The following SLC8A1 variants were observed in gnomAD, a reference collection of about 807,000 sequenced individuals.
The protein encoded by SLC8A1 is solute carrier family 8 member A1.
SLC8A1 carries 18 observed loss-of-function variants against 68.3 expected under a neutral mutation model. The ratio of observed to expected loss-of-function variants is 0.26; its 90% CI spans 0.18 to 0.39. The LOEUF (loss-of-function observed/expected upper bound fraction) is 0.39, where lower values mean the gene tolerates loss of function less well. Ranked by LOEUF, SLC8A1 falls within the 10% of genes least tolerant of loss-of-function variation. The probability of loss-of-function intolerance (pLI) is 1.00; values close to 1 mark genes in which losing one functional copy is unlikely to be tolerated. For synonymous variants in SLC8A1, 475 were observed against 415.5 expected, an observed-to-expected ratio of 1.14 and a Z score of -1.74; for missense variants, 985 against 1,156.7, an observed-to-expected ratio of 0.85 and a Z score of 2.15.
intron 2 of SLC8A1, among the ~76,000 whole-genome samples, chr2:40,345,645 G>A (rs1669017441): frequency 6.6e-6 from 1 of 152,084 alleles, no homozygotes; most frequent in South Asian, 2.1e-4. Flanking sequence ...TCTGCATTTT[G>A]AAAACCCTCT....
chr2:40,198,062 A>G (rs1317241474), intron 2 of SLC8A1, among the ~76,000 whole-genome samples: 1 of 152,026 alleles, frequency 6.6e-6, no homozygotes, highest in Non-Finnish European at 1.5e-5. Flanking sequence ...AGAGGAACAT[A>G]AGATTCAGGG....
chr2:40,349,990 A>C (rs1575603165), intron 2 of SLC8A1, among the ~76,000 whole-genome samples: 1 of 152,176 alleles, frequency 6.6e-6, no homozygotes, highest in African/African-American at 2.4e-5. Context: ...GAGATGACTA[A>C]AAATCAGAGA....
At chr2:40,239,193 T>C (rs74390141) in intron 2 of SLC8A1, among the ~76,000 whole-genome samples, 46 of 152,342 alleles carry the variant, frequency 3.0e-4, no homozygotes, top group African/African-American at 1.1e-3. Context: ...AAAAGGGGCA[T>C]AAAGTAGGTT....
chr2:40,467,078 G>C (rs1453127907), intron 1 of SLC8A1, among the ~76,000 whole-genome samples: 3 of 152,178 alleles, frequency 2.0e-5, no homozygotes, highest in East Asian at 3.9e-4. Context: ...CAGGGGGACA[G>C]TTAATTAAAG....
At chr2:40,244,050 T>TA (rs5830615) in intron 2 of SLC8A1, among the ~76,000 whole-genome samples, 124,853 of 151,588 alleles carry the variant, frequency 0.82, 52,189 homozygotes, top group Middle Eastern at 0.87. Flanking sequence ...CTTTTGTTAT[T>TA]AAAAAAAATG....
At chr2:40,262,565 G>A (rs962361680) in intron 2 of SLC8A1, among the ~76,000 whole-genome samples, 1 of 152,152 alleles carries the variant, frequency 6.6e-6, no homozygotes, top group Non-Finnish European at 1.5e-5. Flanking sequence ...TTGAAGCCAT[G>A]ATATAGAAAC....
intron 1 of SLC8A1, among the ~76,000 whole-genome samples, chr2:40,489,549 C>T (rs753089529): frequency 5.9e-5 from 9 of 152,066 alleles, no homozygotes; most frequent in Non-Finnish European, 1.2e-4. Flanking sequence ...GCAGTTCTTC[C>T]CAGCTGGTGT....
At chr2:40,415,857 TATACACACACAC>T (rs1693665837) in intron 2 of SLC8A1, among the ~76,000 whole-genome samples, 1 of 101,748 alleles carries the variant, frequency 9.8e-6, no homozygotes, top group South Asian at 3.5e-4. Flanking sequence ...CTACTAAAAG[TATACACACACAC>T]ACACACACAC....
At chr2:40,488,602 G>A (rs1200922367) in intron 1 of SLC8A1, among the ~76,000 whole-genome samples, 1 of 152,050 alleles carries the variant, frequency 6.6e-6, no homozygotes, top group African/African-American at 2.4e-5. Flanking sequence ...GTGTGTTTAA[G>A]TGACCAAAGA....
At chr2:40,155,386 C>T (rs560864944) in intron 6 of SLC8A1, among the ~76,000 whole-genome samples, 38 of 152,270 alleles carry the variant, frequency 2.5e-4, no homozygotes, top group Non-Finnish European at 1.5e-5. Context: ...GCCTCGGCCT[C>T]CCAAAGTGCT....
intron 2 of SLC8A1, among the ~76,000 whole-genome samples, chr2:40,199,965 C>T (rs954218195): frequency 6.7e-6 from 1 of 150,068 alleles, no homozygotes; most frequent in Non-Finnish European, 1.5e-5. Context: ...ACATTGTTTT[C>T]ATAACAAAGT....
At chr2:40,325,809 C>T (rs1191590869) in intron 2 of SLC8A1, among the ~76,000 whole-genome samples, 2 of 141,904 alleles carry the variant, frequency 1.4e-5, no homozygotes, top group Non-Finnish European at 3.0e-5. Context: ...AAAAAAGTAG[C>T]TGAGCGTGGT....
At chr2:40,247,865 TCCACGTTCA>T (rs2062105027) in intron 2 of SLC8A1, among the ~76,000 whole-genome samples, 1 of 152,142 alleles carries the variant, frequency 6.6e-6, no homozygotes, top group Admixed American at 6.5e-5. Context: ...AGAACAGGAC[TCCACGTTCA>T]ATGCTATGTT....
intron 6 of SLC8A1, among the ~76,000 whole-genome samples, chr2:40,146,867 C>T (rs949135264): frequency 2.0e-5 from 3 of 152,128 alleles, no homozygotes; most frequent in Admixed American, 6.5e-5. Context: ...TACTGTCCCA[C>T]GGGACTAGTG....
chr2:40,370,481 T>C (rs1267405067), intron 2 of SLC8A1, among the ~76,000 whole-genome samples: 1 of 152,068 alleles, frequency 6.6e-6, no homozygotes, highest in Non-Finnish European at 1.5e-5. Context: ...TTAAAGTGAC[T>C]TTGCTTTTTC....
intron 2 of SLC8A1, among the ~76,000 whole-genome samples, chr2:40,392,827 T>C (rs1685743398): frequency 6.6e-6 from 1 of 152,132 alleles, no homozygotes; most frequent in Admixed American, 6.6e-5. Context: ...AATATTTACA[T>C]TAATGTTTAC....
chr2:40,149,629 T>C (rs1353859380), intron 6 of SLC8A1, among the ~76,000 whole-genome samples: 6 of 152,116 alleles, frequency 3.9e-5, no homozygotes, highest in Non-Finnish European at 8.8e-5. Flanking sequence ...GGAAAGAGGA[T>C]TGACTTGGGA....
intron 2 of SLC8A1, among the ~76,000 whole-genome samples, chr2:40,262,268 C>T (rs7607333): frequency 0.16 from 24,300 of 152,126 alleles, 2,588 homozygotes; most frequent in East Asian, 0.54. Context: ...GCCCTCTCTT[C>T]ACTATTATAT....
intron 2 of SLC8A1, among the ~76,000 whole-genome samples, chr2:40,189,244 C>A (rs2051285829): frequency 6.6e-6 from 1 of 152,176 alleles, no homozygotes; most frequent in African/African-American, 2.4e-5. Context: ...AGTTTATATT[C>A]CATGGGTTCT....
Sources: allele counts gnomAD v4.1 joint callset (sites outside exome capture counted in the v4.1 genomes callset), GRCh38; gene constraint gnomAD v4.1.1; transcripts MANE v1.5; gene names NCBI Gene and HGNC (gene_info 2026-07-23, HGNC 2026-07-21).